EPHA6: variants seen among roughly 807,000 people sequenced by gnomAD.
EPHA6 encodes EPH receptor A6.
In EPHA6, 50 loss-of-function variants were observed where a neutral mutation model predicts 112.0. The observed-to-expected ratio is 0.45, with a 90% CI of 0.36 to 0.56. EPHA6 has a LOEUF of 0.56. Ranked by LOEUF, EPHA6 falls within the 20% of genes least tolerant of loss-of-function variation. The pLI is 0.00. For missense variants in EPHA6, 1,280 were observed against 1,417.4 expected, an observed-to-expected ratio of 0.90 and a Z score of 1.56; for synonymous variants, 529 against 490.7, an observed-to-expected ratio of 1.08 and a Z score of -1.03.
intron 16 of EPHA6, among the ~76,000 whole-genome samples, chr3:97,737,260 G>T (rs180962328): frequency 6.6e-6 from 1 of 151,976 alleles, no homozygotes; most frequent in African/African-American, 2.4e-5. Context: ...GCATGATTAC[G>T]TTTGCATTTC....
At chr3:97,376,819 G>A (rs2085390421) in intron 5 of EPHA6, among the ~76,000 whole-genome samples, 1 of 152,198 alleles carries the variant, frequency 6.6e-6, no homozygotes, top group Admixed American at 6.5e-5. Context: ...GAGACAGAAA[G>A]TAAGTAATAG....
chr3:97,549,149 G>A (rs2092996608), intron 11 of EPHA6, among the ~76,000 whole-genome samples: 1 of 152,140 alleles, frequency 6.6e-6, no homozygotes, highest in Non-Finnish European at 1.5e-5. Context: ...ATTTCAGAGT[G>A]TACTCCTATT....
At chr3:97,321,524 A>G (rs1175303098) in intron 5 of EPHA6, among the ~76,000 whole-genome samples, 1 of 152,022 alleles carries the variant, frequency 6.6e-6, no homozygotes, top group Non-Finnish European at 1.5e-5. Context: ...CAAATTTTCA[A>G]ACTAGAGTCT....
At chr3:97,634,616 G>T (rs1056739430) in intron 13 of EPHA6, among the ~76,000 whole-genome samples, 1 of 151,996 alleles carries the variant, frequency 6.6e-6, no homozygotes, top group Non-Finnish European at 1.5e-5. Context: ...ACTCCCTAGG[G>T]AATGCTCTTG....
chr3:97,705,496 A>G (rs2033629704), intron 14 of EPHA6, among the ~76,000 whole-genome samples: 1 of 152,194 alleles, frequency 6.6e-6, no homozygotes, highest in Non-Finnish European at 1.5e-5. Flanking sequence ...CATTTAACCA[A>G]TATTAATTGA....
At chr3:97,001,146 GA>G (rs1208781773) in intron 3 of EPHA6, among the ~76,000 whole-genome samples, 2 of 150,630 alleles carry the variant, frequency 1.3e-5, no homozygotes, top group African/African-American at 4.9e-5. Flanking sequence ...TCTTTATATA[GA>G]AATAAATAGT....
intron 6 of EPHA6, among the ~76,000 whole-genome samples, chr3:97,412,094 T>G (rs772081027): frequency 1.5e-4 from 23 of 152,130 alleles, no homozygotes; most frequent in Non-Finnish European, 2.9e-4. Context: ...TATTTGGGGA[T>G]AGAATGTTTT....
In EPHA6 at chr3:97,324,543, C is replaced by CTCTT. The variant is rs1233241260; in HGVS notation, c.1606+80267_1606+80270dup. ...TTTCTTTCTTTCTTTCTCTCTTTCTCTCTTTCTTTCTTTCGATGGAGCTTC... is the reference window on the plus strand; with the variant it reads ...TTTCTTTCTTTCTTTCTCTCTTTCTCTCTTTCTTTCTTTCTTTCGATGGAGCTTC... On this transcript the variant is annotated intron_variant, in intron 5 of 17. Transcript: ENST00000389672. 3.4e-5 allele frequency among the ~76,000 whole-genome samples: 5 copies of CTCTT among 145,470 alleles called. No individual in the cohort carries two copies. The East Asian group carries it at 8.1e-4, about 24-fold the overall frequency.
chr3:97,435,991 C>T (rs370543842), intron 6 of EPHA6, among the ~76,000 whole-genome samples: 4 of 152,142 alleles, frequency 2.6e-5, no homozygotes, highest in Admixed American at 2.0e-4. Context: ...CTTCAGGAAG[C>T]TGTCAATTAT....
chr3:97,510,583 C>G (rs893927389), intron 10 of EPHA6, among the ~76,000 whole-genome samples: 1 of 152,146 alleles, frequency 6.6e-6, no homozygotes, highest in Admixed American at 6.5e-5. Flanking sequence ...GGGGCACCCA[C>G]CAGATGCCAG....
rs188602998 is a variant in EPHA6 at position 96,985,886 on chromosome 3, C to T, written c.451-1444C>T. 2.5e-4 allele frequency among the ~76,000 whole-genome samples: 38 copies of T among 152,242 alleles called. No homozygotes were observed. In the East Asian group the frequency reaches 5.8e-3, roughly 23 times the overall value. The stretch of plus-strand genomic sequence containing the variant: ...AACTCAACCAGCCTTGATTTAGTAA[C>T]TCTCTATAGCCAGTTAAAATAAGAA... On this transcript the variant is annotated intron_variant, in intron 2 of 17. Coordinates refer to ENST00000389672, the MANE Select transcript of EPHA6 (RefSeq NM_001080448.3).
chr3:97,250,597 T>C (rs569874406), intron 5 of EPHA6, among the ~76,000 whole-genome samples: 1 of 152,310 alleles, frequency 6.6e-6, no homozygotes, highest in Non-Finnish European at 1.5e-5. Context: ...GATTAGCAGA[T>C]GTTTAACTAA....
chr3:96,927,005 C>T (rs1576059119), intron 2 of EPHA6, among the ~76,000 whole-genome samples: 1 of 152,220 alleles, frequency 6.6e-6, no homozygotes, highest in Non-Finnish European at 1.5e-5. Context: ...CATGAAGGCT[C>T]AGCCCCTGCA....
rs867049067 is a variant in EPHA6 at position 97,005,945 on chromosome 3, C to T, written c.1114+17952C>T. On this transcript the variant is annotated intron_variant, in intron 3 of 17. Coordinates refer to ENST00000389672, the MANE Select transcript of EPHA6 (RefSeq NM_001080448.3). ...TATCGATTTGGGTATGTTGAACCAG[C>T]CTTGCATCCCAGGGATGAAGCTGAT... Among the ~76,000 whole-genome samples, 6 of 152,238 alleles carry T rather than the reference C, an allele frequency of 3.9e-5. No individual in the cohort carries two copies. In the South Asian group the frequency reaches 6.2e-4, roughly 16 times the overall value.
intron 5 of EPHA6, among the ~76,000 whole-genome samples, chr3:97,335,749 A>T (rs2083025457): frequency 6.6e-6 from 1 of 152,138 alleles, no homozygotes; most frequent in African/African-American, 2.4e-5. Flanking sequence ...ATAGAGAAAG[A>T]GTCATTATGC....
At chr3:97,202,288 T>A (rs970556933) in intron 3 of EPHA6, among the ~76,000 whole-genome samples, 1 of 151,974 alleles carries the variant, frequency 6.6e-6, no homozygotes, top group Non-Finnish European at 1.5e-5. Context: ...AAGCTTGAGG[T>A]CAATGCTTTG....
intron 6 of EPHA6, among the ~76,000 whole-genome samples, chr3:97,428,515 T>C (rs1422219784): frequency 6.6e-6 from 1 of 152,224 alleles, no homozygotes; most frequent in Non-Finnish European, 1.5e-5. Context: ...CATGGTCAAA[T>C]TGATTTGGAA....
chr3:97,130,122 TCTCTTTTTCTC>T (rs1415958655), intron 3 of EPHA6, among the ~76,000 whole-genome samples: 1 of 152,100 alleles, frequency 6.6e-6, no homozygotes, highest in Non-Finnish European at 1.5e-5. Context: ...TAAAATTATT[TCTCTTTTTCTC>T]GGGTGGTGGT....
chr3:97,620,264 A>T (rs1463902902), intron 13 of EPHA6, among the ~76,000 whole-genome samples: 1 of 152,130 alleles, frequency 6.6e-6, no homozygotes, highest in Non-Finnish European at 1.5e-5. Context: ...TACAGAAATT[A>T]ACTCAAGAAG....
Sources: allele counts gnomAD v4.1 joint callset (sites outside exome capture counted in the v4.1 genomes callset), GRCh38; gene constraint gnomAD v4.1.1; transcripts MANE v1.5; gene names NCBI Gene and HGNC (gene_info 2026-07-23, HGNC 2026-07-21).